Variants in ASAP2 observed in about 807,000 individuals in gnomAD.
ASAP2 encodes ArfGAP with SH3 domain, ankyrin repeat and PH domain 2.
Under a neutral mutation model 131.4 loss-of-function variants are expected in ASAP2, and 45 were observed. That is an observed-to-expected ratio of 0.34 (90% CI 0.27 to 0.44). ASAP2 has a LOEUF of 0.44. ASAP2 is among the 20% of genes least tolerant of loss of function. The probability of loss-of-function intolerance (pLI) is 1.00; values close to 1 mark genes in which losing one functional copy is unlikely to be tolerated. For synonymous variants in ASAP2, 510 were observed against 503.0 expected (o/e 1.01, Z -0.19); for missense variants, 1,011 against 1,297.0 (o/e 0.78, Z 3.39).
At chr2:9,271,429 G>A in intron 1 of ASAP2, 2 of 1,442,074 alleles carry the variant, frequency 1.4e-6, no homozygotes, top group Admixed American at 1.7e-5. Flanking sequence ...ACCATTGCAG[G>A]CAAACTTCTT....
chr2:9,377,550 A>G (rs1046607369), intron 18 of ASAP2, among the ~76,000 whole-genome samples: 1 of 152,136 alleles, frequency 6.6e-6, no homozygotes, highest in African/African-American at 2.4e-5. Flanking sequence ...TTTGGGGCAT[A>G]TTGCTTCAGT....
At chr2:9,322,758 C>T (rs1670232819) in intron 5 of ASAP2, among the ~76,000 whole-genome samples, 1 of 152,134 alleles carries the variant, frequency 6.6e-6, no homozygotes, top group Non-Finnish European at 1.5e-5. Flanking sequence ...GGAGGAAGTC[C>T]AGGAGGAGAA....
intron 1 of ASAP2, among the ~76,000 whole-genome samples, chr2:9,252,694 T>C (rs898704510): frequency 1.3e-5 from 2 of 151,978 alleles, no homozygotes; most frequent in Non-Finnish European, 2.9e-5. Context: ...GGCGGGCAGA[T>C]CACGAGGTCA....
At chr2:9,278,607 C>G (rs573330065) in intron 1 of ASAP2, among the ~76,000 whole-genome samples, 2 of 152,040 alleles carry the variant, frequency 1.3e-5, no homozygotes, top group Admixed American at 6.5e-5. Context: ...TGTGATTAGT[C>G]GTTGAACAGA....
intron 1 of ASAP2, among the ~76,000 whole-genome samples, chr2:9,261,393 C>G (rs751421059): frequency 3.3e-5 from 5 of 152,182 alleles, no homozygotes; most frequent in Non-Finnish European, 7.3e-5. Context: ...CTCTTTGAGT[C>G]AGTTTCTTCT....
Position 9,385,259 on chromosome 2 carries a change from A to C in ASAP2, c.2031A>C (p.Leu677Phe). 6.2e-7 allele frequency: 1 copy of C among 1,613,956 alleles called. No homozygotes were observed. The highest frequency in any genetic ancestry group is 8.5e-7 in the Non-Finnish European group (1 of 1,179,760). The change falls in exon 21 of 28, where the codon TTA becomes TTC. Residue 677 changes from leucine (L) to phenylalanine (F), a missense_variant. Physicochemically the swap from Leu to Phe is conservative, Grantham distance 22. Coordinates refer to ENST00000281419, the MANE Select transcript of ASAP2 (RefSeq NM_003887.3). ...EHCEELLTQA[L>F]SGRFNSHVHV... ...TGTTCTCTCAGCTGACCCAAGCCTT[A>C]TCTGGAAGATTTAATTCTCACGTTC...
intron 3 of ASAP2, among the ~76,000 whole-genome samples, chr2:9,302,044 C>T (rs531949117): frequency 1.7e-4 from 26 of 150,220 alleles, no homozygotes; most frequent in African/African-American, 4.9e-4. Flanking sequence ...AGGATGGTCT[C>T]GATCTCCTGA....
At chr2:9,390,971 A>T (rs751211039) in intron 22 of ASAP2, 91 bp from the exon 23 acceptor site, 1 of 1,592,642 alleles carries the variant, frequency 6.3e-7, no homozygotes. Flanking sequence ...AAGGGGGAGG[A>T]TCAATAACGC....
chr2:9,213,005 C>T (rs1311232129), intron 1 of ASAP2, among the ~76,000 whole-genome samples: 1 of 152,210 alleles, frequency 6.6e-6, no homozygotes, highest in Non-Finnish European at 1.5e-5. Flanking sequence ...GGTGGGGCTT[C>T]GAGCCTTGGC....
chr2:9,386,631 C>T (rs189132869), intron 21 of ASAP2, among the ~76,000 whole-genome samples: 2 of 152,200 alleles, frequency 1.3e-5, no homozygotes, highest in Admixed American at 6.5e-5. Context: ...TAGTTCTGCA[C>T]ACCTGAGCTG....
At position 9,315,784 on chromosome 2, in the gene ASAP2, C is replaced by T. The variant is rs144061845; in HGVS notation, c.346-2740C>T. Reference sequence around the variant, plus strand: ...CCGCACCTTAAACTGCGCTTTTCAGCATTTAAAAATTTAATGCTTAAGGCT... The same window carrying T: ...CCGCACCTTAAACTGCGCTTTTCAGTATTTAAAAATTTAATGCTTAAGGCT... On this transcript the variant is annotated intron_variant, in intron 3 of 27. Transcript: ENST00000281419. 2.1e-3 allele frequency among the ~76,000 whole-genome samples: 325 copies of T among 152,248 alleles called. 1 individual carries two copies. Among genetic ancestry groups the T allele is most frequent in the African/African-American group, 7.3e-3 (305 of 41,534 alleles).
At chr2:9,316,509 C>T (rs1669682617) in intron 3 of ASAP2, among the ~76,000 whole-genome samples, 1 of 152,100 alleles carries the variant, frequency 6.6e-6, no homozygotes. Context: ...AATCTAGAAG[C>T]CCAGAGTGTC....
At chr2:9,343,223 AT>A (rs1427895128) in intron 9 of ASAP2, among the ~76,000 whole-genome samples, 1 of 151,928 alleles carries the variant, frequency 6.6e-6, no homozygotes, top group Non-Finnish European at 1.5e-5. Context: ...CAAACCACTT[AT>A]TTTCATTGTG....
At chr2:9,270,886 G>A (rs1221594453) in intron 1 of ASAP2, among the ~76,000 whole-genome samples, 6 of 143,818 alleles carry the variant, frequency 4.2e-5, no homozygotes, top group African/African-American at 1.6e-4. Flanking sequence ...CCCGCCTCCC[G>A]GGTTCACGCC....
chr2:9,394,590 T>C (rs1675970646), intron 24 of ASAP2, among the ~76,000 whole-genome samples: 1 of 152,182 alleles, frequency 6.6e-6, no homozygotes, highest in African/African-American at 2.4e-5. Flanking sequence ...CCCTCTGAGC[T>C]GTTAGAACTT....
chr2:9,257,428 C>G (rs1364359052), intron 1 of ASAP2, among the ~76,000 whole-genome samples: 2 of 152,174 alleles, frequency 1.3e-5, no homozygotes, highest in Admixed American at 6.6e-5. Flanking sequence ...TTTATTGTTT[C>G]TTAACTTTTT....
chr2:9,400,903 G>T, intron 26 of ASAP2, 73 bp downstream of exon 26: 1 of 1,439,094 alleles, frequency 6.9e-7, no homozygotes, highest in Non-Finnish European at 9.7e-7. Context: ...AAGGGCTCAG[G>T]GGAAGCAAGT....
intron 6 of ASAP2, among the ~76,000 whole-genome samples, chr2:9,323,709 G>C (rs1187395114): frequency 6.6e-6 from 1 of 152,136 alleles, no homozygotes; most frequent in African/African-American, 2.4e-5. Flanking sequence ...TTGACTTCCT[G>C]CTAGACCTCA....
At position 9,232,052 on chromosome 2, in the gene ASAP2, T is replaced by TC. The variant is rs1663205098; in HGVS notation, c.126+24823dup. ...CCCTGTCATTTGTCAGCCAGAGCAT[T>TC]CAACAGCCTCTGCTCCCACTGAGGT... On this transcript the variant is annotated intron_variant, in intron 1 of 27. Transcript: ENST00000281419. The surrounding 1 kb of genome is among the most constrained non-coding windows in gnomAD (Gnocchi z 4.1). Among the ~76,000 whole-genome samples the TC allele has an allele frequency of 6.6e-6, 1 of 152,338 alleles. No individual in the cohort carries two copies. Among genetic ancestry groups the TC allele is most frequent in the Non-Finnish European group, 1.5e-5 (1 of 68,032 alleles).
Sources: gnomAD v4.1 joint callset for allele counts (sites outside exome capture counted in the v4.1 genomes callset) on GRCh38, gnomAD v4.1.1 for gene constraint, Gnocchi (gnomAD v3.1) non-coding constraint, MANE v1.5 for transcripts, NCBI Gene and HGNC (gene_info 2026-07-23, HGNC 2026-07-21) for gene names.